UNC13C: variants seen among roughly 807,000 people sequenced by gnomAD.
UNC13C encodes protein unc-13 homolog C.
A neutral mutation model predicts 245.4 loss-of-function variants in UNC13C; 174 were observed. The ratio of observed to expected loss-of-function variants is 0.71; its 90% CI spans 0.63 to 0.80. UNC13C has a LOEUF of 0.80. Among genes scored for constraint, UNC13C ranks in the 30% least tolerant of loss-of-function variants. UNC13C has a pLI of 0.00. For synonymous variants in UNC13C, 992 were observed against 895.1 expected, an observed-to-expected ratio of 1.11 and a Z score of -1.93; for missense variants, 2,829 against 2,602.9, an observed-to-expected ratio of 1.09 and a Z score of -1.89.
intron 4 of UNC13C, among the ~76,000 whole-genome samples, chr15:54,191,497 G>T (rs556064325): frequency 4.8e-4 from 73 of 152,264 alleles, no homozygotes; most frequent in East Asian, 3.9e-4. Context: ...TGTGAACAGT[G>T]CTGCAATAAA....
chr15:54,153,074 A>G (rs994325049), intron 4 of UNC13C, among the ~76,000 whole-genome samples: 9 of 151,662 alleles, frequency 5.9e-5, no homozygotes, highest in Admixed American at 5.2e-4. Flanking sequence ...CTTGTAAATA[A>G]TTACTCACTT....
chr15:54,127,933 G>A (rs1396019187), intron 2 of UNC13C, among the ~76,000 whole-genome samples: 3 of 151,590 alleles, frequency 2.0e-5, no homozygotes, highest in African/African-American at 4.8e-5. Flanking sequence ...AGTCAGGCAA[G>A]AGGAGGAAAT....
intron 22 of UNC13C, among the ~76,000 whole-genome samples, chr15:54,503,633 C>T (rs1894331845): frequency 6.6e-6 from 1 of 152,022 alleles, no homozygotes; most frequent in South Asian, 2.1e-4. Context: ...AGGGTTTCTC[C>T]ATGTTGGCCA....
At chr15:54,269,284 T>C (rs2036626354) in intron 10 of UNC13C, among the ~76,000 whole-genome samples, 1 of 152,070 alleles carries the variant, frequency 6.6e-6, no homozygotes, top group South Asian at 2.1e-4. Flanking sequence ...CTCTTTGATA[T>C]ATTTTGCTCA....
chr15:54,601,621 TCA>T (rs1355629822), intron 30 of UNC13C, among the ~76,000 whole-genome samples: 5 of 152,204 alleles, frequency 3.3e-5, no homozygotes, highest in African/African-American at 1.2e-4. Flanking sequence ...GTTCTGATGA[TCA>T]CAGAGAGTAC....
intron 5 of UNC13C, 72 bp downstream of exon 5, chr15:54,235,180 C>A: frequency 7.7e-7 from 1 of 1,293,762 alleles, no homozygotes; most frequent in Non-Finnish European, 1.1e-6. Flanking sequence ...TAATGTCCTT[C>A]TCATTCACTG....
At chr15:54,411,752 T>A (rs551870107) in intron 18 of UNC13C, among the ~76,000 whole-genome samples, 2 of 152,256 alleles carry the variant, frequency 1.3e-5, no homozygotes, top group South Asian at 2.1e-4. Flanking sequence ...TCTTTACTTT[T>A]AAAAAAACAT....
chr15:54,512,528 G>A (rs1010492426), intron 24 of UNC13C, among the ~76,000 whole-genome samples: 10 of 152,050 alleles, frequency 6.6e-5, no homozygotes, highest in African/African-American at 2.4e-4. Context: ...GCATCTTCCT[G>A]CCTGCCACAG....
chr15:54,522,001 G>A (rs924261224), intron 24 of UNC13C, among the ~76,000 whole-genome samples: 2 of 152,148 alleles, frequency 1.3e-5, no homozygotes, highest in African/African-American at 4.8e-5. Flanking sequence ...AGAGAACACT[G>A]CATACACAGT....
chr15:54,455,233 ATATATGTTTTTTAATCCAC>A (rs1416654199), intron 19 of UNC13C, among the ~76,000 whole-genome samples: 1 of 97,026 alleles, frequency 1.0e-5, no homozygotes, highest in East Asian at 3.9e-4. Context: ...ATATATATAT[ATATATGTTTTTTAATCCAC>A]TCATTGGTAG....
At chr15:53,866,056 A>G in the UNC13C span, among the ~76,000 whole-genome samples, 1 of 152,212 alleles carries the variant, frequency 6.6e-6, no homozygotes, top group Non-Finnish European at 1.5e-5. Context: ...ATAAACTTCT[A>G]AAAACTCAGA....
chr15:54,285,283 A>G (rs769971942), intron 10 of UNC13C, among the ~76,000 whole-genome samples: 4 of 152,136 alleles, frequency 2.6e-5, no homozygotes, highest in African/African-American at 7.2e-5. Context: ...CAATACTCCA[A>G]TAACTAAATT....
chr15:53,952,720 G>A, the UNC13C span, among the ~76,000 whole-genome samples: 1 of 152,190 alleles, frequency 6.6e-6, no homozygotes, highest in Admixed American at 6.5e-5. Context: ...CTTGATTGAA[G>A]CTAGGCATAA....
intron 19 of UNC13C, among the ~76,000 whole-genome samples, chr15:54,482,649 A>AGATGCTGTATTCCACG (rs1389838942): frequency 1.6e-5 from 1 of 62,544 alleles, no homozygotes; most frequent in Non-Finnish European, 3.4e-5. Flanking sequence ...TGTATTCCAC[A>AGATGCTGTATTCCACG]TGTGGTTACC....
the UNC13C span, among the ~76,000 whole-genome samples, chr15:53,879,204 C>A: frequency 1.1e-3 from 164 of 152,208 alleles, 2 homozygotes; most frequent in East Asian, 0.028. Flanking sequence ...CTCTGTTGAC[C>A]AGGCTGCAGT....
intron 2 of UNC13C, among the ~76,000 whole-genome samples, chr15:54,033,904 C>T (rs77788643): frequency 0.059 from 9,038 of 152,256 alleles, 365 homozygotes; most frequent in Middle Eastern, 0.14. Context: ...GCAATGAGCT[C>T]TCTAATATAA....
chr15:54,031,892 C>A (rs918176779), intron 2 of UNC13C, among the ~76,000 whole-genome samples: 1 of 152,188 alleles, frequency 6.6e-6, no homozygotes, highest in African/African-American at 2.4e-5. Context: ...TATGGCATAT[C>A]ATTCATGAAC....
At chr15:54,152,480 C>A (rs545291653) in intron 4 of UNC13C, among the ~76,000 whole-genome samples, 1 of 152,274 alleles carries the variant, frequency 6.6e-6, no homozygotes, top group East Asian at 1.9e-4. Context: ...GTCTCTAGGG[C>A]TTAAATTTAT....
At position 54,235,043 on chromosome 15, in the gene UNC13C, C is replaced by A. The variant is rs1447823350; in HGVS notation, c.3085C>A (p.Leu1029Ile). ...TTTGTCTTTCAGGGCTGGAGGTGGA[C>A]TTTATGGTATTGACAGCATGCCGGA... Reference protein sequence around the residue: ...LQVCGGAGGGLYGIDSMPDLR... With the variant: ...LQVCGGAGGGIYGIDSMPDLR... The change falls in exon 5 of 33, where the codon CTT (leucine) becomes ATT (isoleucine). Residue 1029 changes from leucine to isoleucine, a missense_variant. By Grantham distance (5) the Leu-to-Ile change is conservative (BLOSUM62 2). Transcript: ENST00000260323. The A allele has an allele frequency of 1.2e-6, 2 of 1,613,832 alleles. No homozygotes were observed. The highest frequency in any genetic ancestry group is 1.7e-5 in the Admixed American group (1 of 60,008).
Sources: allele counts gnomAD v4.1 joint callset (sites outside exome capture counted in the v4.1 genomes callset), GRCh38; gene constraint gnomAD v4.1.1; transcripts MANE v1.5; gene names NCBI Gene and HGNC (gene_info 2026-07-23, HGNC 2026-07-21).